The following PNPLA1 variants were observed in gnomAD, a reference collection of about 807,000 sequenced individuals.
PNPLA1 encodes the protein patatin like domain 1, omega-hydroxyceramide transacylase.
Under a neutral mutation model 51.7 loss-of-function variants are expected in PNPLA1, and 36 were observed. That is an observed-to-expected ratio of 0.70 (90% CI 0.53 to 0.92). PNPLA1 has a LOEUF of 0.92. Ranked by LOEUF, PNPLA1 falls within the 40% of genes least tolerant of loss-of-function variation. The pLI is 0.00. For missense variants in PNPLA1, 658 were observed against 682.5 expected (o/e 0.96, Z 0.40); for synonymous variants, 293 against 280.1 (o/e 1.05, Z -0.46).
intron 7 of PNPLA1, 101 bp from the exon 8 acceptor site, chr6:36,307,486 C>A: frequency 1.5e-6 from 2 of 1,366,076 alleles, no homozygotes; most frequent in South Asian, 1.6e-5. Flanking sequence ...GGGTTGAGAA[C>A]CACAGCGCGG....
intron 1 of PNPLA1, among the ~76,000 whole-genome samples, chr6:36,252,748 T>C (rs1769450470): frequency 6.6e-6 from 1 of 152,196 alleles, no homozygotes; most frequent in Admixed American, 6.5e-5. Flanking sequence ...TCTGAGTGGA[T>C]AGAAGAGACG....
chr6:36,255,682 C>T (rs1326619422), intron 1 of PNPLA1, among the ~76,000 whole-genome samples: 1 of 115,406 alleles, frequency 8.7e-6, no homozygotes, highest in Non-Finnish European at 1.7e-5. Context: ...AGTGAAACTC[C>T]GTCTAAAAAA....
chr6:36,311,855 G>A lies in PNPLA1; in HGVS notation c.1688G>A (p.Cys563Tyr), dbSNP rs1771415260. ...YRPHPSRIQE[C>Y]CPEVWNSLG ...CCTCATCCCAGCCGGATCCAGGAAT[G>A]CTGCCCTGAAGTGTGGAATTCCTTA... Residue 563 changes from cysteine (C) to tyrosine (Y), a missense_variant, in exon 9 of 9, where the codon TGC (cysteine) becomes TAC (tyrosine). Coordinates refer to ENST00000636260, the MANE Select transcript of PNPLA1 (RefSeq NM_001374623.1). 6.5e-6 allele frequency: 1 copy of A among 152,724 alleles called. No individual in the cohort carries two copies. The highest frequency in any genetic ancestry group is 2.4e-5 in the African/African-American group (1 of 41,434). The allele number at this position is 152,724 out of a possible 1,614,324, so 9.5% of individuals were successfully genotyped here.
chr6:36,295,510 C>CCCCCTCCATTTGTGA, intron 5 of PNPLA1, 86 bp downstream of exon 5: 1 of 1,407,458 alleles, frequency 7.1e-7, no homozygotes, highest in Non-Finnish European at 1.0e-6. Flanking sequence ...GAGGGGTATT[C>CCCCCTCCATTTGTGA]CCCCCAGATT....
chr6:36,247,845 C>T (rs1273780793), intron 1 of PNPLA1, among the ~76,000 whole-genome samples: 3 of 152,204 alleles, frequency 2.0e-5, no homozygotes, highest in African/African-American at 7.2e-5. Flanking sequence ...CTGTTGCTTC[C>T]TGCAGTCTTG....
chr6:36,302,300 A>G lies in PNPLA1; in HGVS notation c.1215A>G (p.Val405=), dbSNP rs757011085. 5 of 1,614,018 alleles carry G rather than the reference A, an allele frequency of 3.1e-6. No individual in the cohort carries two copies. The highest frequency in any genetic ancestry group is 1.7e-5 in the Admixed American group (1 of 59,998). ...CACCTCTGTCACCTCAGCAGCAGGT[A>G]CAACCGTCTGGATCACCAGCCAGAT... ...GLSPLSPQQQ[V]QPSGSPARSL... is the part of the protein sequence containing the mutation. Residue 405 remains valine (V), a synonymous_variant, in exon 6 of 9, where the codon GTA becomes GTG. Transcript: ENST00000636260.
At chr6:36,271,768 T>C (rs1476056569) in intron 1 of PNPLA1, among the ~76,000 whole-genome samples, 2 of 152,314 alleles carry the variant, frequency 1.3e-5, no homozygotes, top group Middle Eastern at 3.4e-3. Flanking sequence ...GGCCAGGTCA[T>C]GTGGCCTTAG....
At chr6:36,268,720 C>T (rs546067503), upstream of PNPLA1, among the ~76,000 whole-genome samples, 80 of 152,336 alleles carry the variant, frequency 5.3e-4, no homozygotes, top group African/African-American at 1.8e-3. Flanking sequence ...GCTTATTTCA[C>T]ATTTGCCTGT....
chr6:36,301,524 C>T (rs555905976), intron 5 of PNPLA1, among the ~76,000 whole-genome samples: 2 of 152,218 alleles, frequency 1.3e-5, no homozygotes, highest in South Asian at 2.1e-4. Flanking sequence ...CTCACCACCC[C>T]GCCCTGACCA....
intron 5 of PNPLA1, among the ~76,000 whole-genome samples, chr6:36,299,747 T>G (rs1170114293): frequency 6.6e-6 from 1 of 152,228 alleles, no homozygotes; most frequent in Non-Finnish European, 1.5e-5. Context: ...ACTAATGACT[T>G]TGAGCATCTT....
Position 36,313,722 on chromosome 6 carries a change from G to C in PNPLA1, c.*1836G>C, listed in dbSNP as rs1197021736. Among the ~76,000 whole-genome samples the C allele has an allele frequency of 6.6e-6, 1 of 152,244 alleles. No individual in the cohort carries two copies. The highest frequency in any genetic ancestry group is 1.5e-5 in the Non-Finnish European group (1 of 68,046). ...GACTAGAGAGGCCCGCCCGGCCGCA[G>C]GCCTTTCTTCCAGGAGTGGCCTCCA... is the stretch of plus-strand genomic sequence containing the variant. On this transcript the variant is annotated 3_prime_UTR_variant, in exon 9 of 9. Transcript: ENST00000636260.
chr6:36,297,459 C>T (rs1770892322), intron 5 of PNPLA1, among the ~76,000 whole-genome samples: 1 of 152,176 alleles, frequency 6.6e-6, no homozygotes, highest in South Asian at 2.1e-4. Flanking sequence ...CGCCCAGCCT[C>T]CCCTGGGCTG....
intron 1 of PNPLA1, among the ~76,000 whole-genome samples, chr6:36,275,253 A>C (rs1378994075): frequency 1.3e-5 from 2 of 151,868 alleles, no homozygotes; most frequent in Admixed American, 6.6e-5. Context: ...TAATTTTAAA[A>C]ATTTTTTTGT....
At chr6:36,306,029 A>G (rs1273101101) in intron 6 of PNPLA1, among the ~76,000 whole-genome samples, 1 of 152,140 alleles carries the variant, frequency 6.6e-6, no homozygotes, top group Non-Finnish European at 1.5e-5. Context: ...CGCCGGGATT[A>G]CAGGCATGAG....
chr6:36,252,699 G>A (rs1301612180), intron 1 of PNPLA1, among the ~76,000 whole-genome samples: 1 of 152,184 alleles, frequency 6.6e-6, no homozygotes, highest in African/African-American at 2.4e-5. Flanking sequence ...GGGAAGCCTC[G>A]TGGAGAGGAC....
intron 1 of PNPLA1, among the ~76,000 whole-genome samples, chr6:36,274,154 A>G (rs1312650296): frequency 6.6e-6 from 1 of 152,228 alleles, no homozygotes; most frequent in Non-Finnish European, 1.5e-5. Context: ...CAGCCCTCCC[A>G]GGTGAAAACT....
chr6:36,303,295 G>A (rs948164094), intron 6 of PNPLA1, among the ~76,000 whole-genome samples: 1 of 152,080 alleles, frequency 6.6e-6, no homozygotes, highest in Non-Finnish European at 1.5e-5. Context: ...AGGTTTCACT[G>A]TGTTAGCCAG....
At chr6:36,271,375 T>C (rs1026780814) in intron 1 of PNPLA1, among the ~76,000 whole-genome samples, 1 of 152,098 alleles carries the variant, frequency 6.6e-6, no homozygotes, top group Non-Finnish European at 1.5e-5. Context: ...TGAGCTACCT[T>C]GGAGGGGCAT....
At chr6:36,305,917 C>A (rs1218828871) in intron 6 of PNPLA1, among the ~76,000 whole-genome samples, 2 of 151,990 alleles carry the variant, frequency 1.3e-5, no homozygotes, top group African/African-American at 4.8e-5. Context: ...CAACACCCAG[C>A]TAAATTTTTG....
Sources: gnomAD v4.1 joint callset for allele counts (sites outside exome capture counted in the v4.1 genomes callset) on GRCh38, gnomAD v4.1.1 for gene constraint, MANE v1.5 for transcripts, NCBI Gene and HGNC (gene_info 2026-07-23, HGNC 2026-07-21) for gene names.